Variants in GRID2 observed in about 807,000 individuals in gnomAD.
The protein encoded by GRID2 is glutamate receptor ionotropic, delta-2.
A neutral mutation model predicts 114.8 loss-of-function variants in GRID2; 33 were observed. The ratio of observed to expected loss-of-function variants is 0.29; its 90% CI spans 0.22 to 0.38. The LOEUF is 0.38. Among genes scored for constraint, GRID2 ranks in the 10% least tolerant of loss-of-function variants. The probability of loss-of-function intolerance (pLI) is 1.00; values close to 1 mark genes in which losing one functional copy is unlikely to be tolerated. For synonymous variants in GRID2, 505 were observed against 449.9 expected, an observed-to-expected ratio of 1.12 and a Z score of -1.55; for missense variants, 1,184 against 1,257.7, an observed-to-expected ratio of 0.94 and a Z score of 0.89.
At chr4:93,638,051 A>T (rs951347818) in intron 14 of GRID2, among the ~76,000 whole-genome samples, 1 of 152,132 alleles carries the variant, frequency 6.6e-6, no homozygotes, top group Non-Finnish European at 1.5e-5. Flanking sequence ...TATATAGCCC[A>T]GGTAAGTCTA....
chr4:93,495,866 T>C (rs1727484208), intron 12 of GRID2, among the ~76,000 whole-genome samples: 1 of 151,794 alleles, frequency 6.6e-6, no homozygotes, highest in African/African-American at 2.4e-5. Context: ...CAGTTAATTT[T>C]GTTTAAGATA....
chr4:92,345,804 A>G (rs960121277), intron 1 of GRID2, among the ~76,000 whole-genome samples: 22 of 152,172 alleles, frequency 1.4e-4, no homozygotes, highest in African/African-American at 5.3e-4. Context: ...GGTCTCTTGT[A>G]AATTAAAACA....
At chr4:92,932,066 A>G (rs1750281452) in intron 2 of GRID2, among the ~76,000 whole-genome samples, 1 of 151,306 alleles carries the variant, frequency 6.6e-6, no homozygotes, top group Non-Finnish European at 1.5e-5. Flanking sequence ...AAGAAGCATC[A>G]AGCATGAAAA....
chr4:93,272,665 T>C (rs1579502958), intron 8 of GRID2, among the ~76,000 whole-genome samples: 1 of 152,118 alleles, frequency 6.6e-6, no homozygotes, highest in Non-Finnish European at 1.5e-5. Context: ...TTTGATTCTG[T>C]TTTTTAAGAT....
intron 2 of GRID2, among the ~76,000 whole-genome samples, chr4:92,996,215 G>T (rs554155426): frequency 5.3e-5 from 8 of 151,568 alleles, no homozygotes; most frequent in Non-Finnish European, 8.8e-5. Context: ...GCTTGAACCT[G>T]GGAAGCAGAG....
chr4:93,076,495 C>A (rs779740087), intron 2 of GRID2, among the ~76,000 whole-genome samples: 1 of 151,564 alleles, frequency 6.6e-6, no homozygotes, highest in South Asian at 2.1e-4. Context: ...ATTCTTTACA[C>A]TTTTCCTAAT....
At chr4:93,394,491 ATTGTT>A (rs1045302930) in intron 8 of GRID2, among the ~76,000 whole-genome samples, 53 of 151,966 alleles carry the variant, frequency 3.5e-4, no homozygotes, top group African/African-American at 1.2e-3. Context: ...AAGCACCTAA[ATTGTT>A]TATTTGTGGG....
At chr4:92,684,478 C>G (rs1733806326) in intron 2 of GRID2, among the ~76,000 whole-genome samples, 1 of 151,886 alleles carries the variant, frequency 6.6e-6, no homozygotes, top group Non-Finnish European at 1.5e-5. Context: ...TCCTCTGCCC[C>G]TCATTTCTTG....
At chr4:92,469,701 T>C (rs904502407) in intron 1 of GRID2, among the ~76,000 whole-genome samples, 5 of 151,230 alleles carry the variant, frequency 3.3e-5, no homozygotes, top group Non-Finnish European at 5.9e-5. Flanking sequence ...AAAAGACAAA[T>C]GAAACAAACA....
In GRID2 at chr4:93,666,732, A is replaced by G. The variant is rs144218261; in HGVS notation, c.2360+40297A>G. On this transcript the variant is annotated intron_variant, in intron 14 of 15. Transcript: ENST00000282020. ...CATTTGAGAAGTCTCTGGATCTTAC[A>G]TGAATATGAAAATGAAAAAATAAGA... Among the ~76,000 whole-genome samples, 9 of 152,190 alleles carry G rather than the reference A, an allele frequency of 5.9e-5. No individual in the cohort carries two copies. In the East Asian group the frequency reaches 1.4e-3, roughly 23 times the overall value.
chr4:92,502,705 CTTTTTTT>C (rs70940901), intron 1 of GRID2, among the ~76,000 whole-genome samples: 2,293 of 63,976 alleles, frequency 0.036, 27 homozygotes, highest in Non-Finnish European at 0.049. Context: ...CATGTGATTT[CTTTTTTT>C]TTTTTTTTTT....
chr4:92,783,433 C>T (rs572170320), intron 2 of GRID2, among the ~76,000 whole-genome samples: 11 of 151,986 alleles, frequency 7.2e-5, no homozygotes, highest in South Asian at 2.1e-4. Context: ...AACATAATGA[C>T]GTAATAGAGG....
chr4:93,197,845 G>T (rs1741658858), intron 4 of GRID2, among the ~76,000 whole-genome samples: 1 of 152,040 alleles, frequency 6.6e-6, no homozygotes, highest in South Asian at 2.1e-4. Context: ...TAGTCTCCAA[G>T]TCCTGAGGTA....
intron 2 of GRID2, among the ~76,000 whole-genome samples, chr4:92,928,749 C>T (rs576547243): frequency 2.0e-5 from 3 of 151,548 alleles, no homozygotes; most frequent in Non-Finnish European, 3.0e-5. Context: ...AAACACTGAA[C>T]AAAACATAGG....
intron 14 of GRID2, among the ~76,000 whole-genome samples, chr4:93,767,067 C>A (rs941413499): frequency 1.3e-5 from 2 of 152,240 alleles, no homozygotes; most frequent in African/African-American, 4.8e-5. Flanking sequence ...GTAGTTGCTT[C>A]TTTGGATCAA....
intron 2 of GRID2, among the ~76,000 whole-genome samples, chr4:92,960,404 C>T (rs1752723212): frequency 6.6e-6 from 1 of 151,920 alleles, no homozygotes; most frequent in African/African-American, 2.4e-5. Context: ...TTTCTTCTTT[C>T]AGTTATATTA....
At chr4:93,120,177 G>T (rs1172244737) in intron 4 of GRID2, among the ~76,000 whole-genome samples, 1 of 152,164 alleles carries the variant, frequency 6.6e-6, no homozygotes, top group Non-Finnish European at 1.5e-5. Context: ...CATTGTGGAA[G>T]ACAGTGTGGT....
At chr4:92,509,670 T>C (rs1724142919) in intron 1 of GRID2, among the ~76,000 whole-genome samples, 1 of 151,922 alleles carries the variant, frequency 6.6e-6, no homozygotes, top group South Asian at 2.1e-4. Context: ...TGCAAATTAA[T>C]AGAGTGGTTG....
intron 2 of GRID2, among the ~76,000 whole-genome samples, chr4:93,020,988 G>A (rs529429119): frequency 5.8e-4 from 88 of 151,116 alleles, no homozygotes; most frequent in African/African-American, 2.0e-3. Context: ...CAAGATCATC[G>A]TGCCATTGCA....
Sources: gnomAD v4.1 joint callset for allele counts (sites outside exome capture counted in the v4.1 genomes callset) on GRCh38, gnomAD v4.1.1 for gene constraint, MANE v1.5 for transcripts, NCBI Gene and HGNC (gene_info 2026-07-23, HGNC 2026-07-21) for gene names.